Variants in SNTG1 observed in about 807,000 individuals in gnomAD.
SNTG1 encodes syntrophin gamma 1, also known as gamma-1-syntrophin.
A neutral mutation model predicts 74.7 loss-of-function variants in SNTG1; 39 were observed. The ratio of observed to expected loss-of-function variants is 0.52; its 90% CI spans 0.40 to 0.68. The LOEUF is 0.68. Among genes scored for constraint, SNTG1 ranks in the 30% least tolerant of loss-of-function variants. SNTG1 has a pLI of 0.00. For missense variants in SNTG1, 685 were observed against 609.5 expected, an observed-to-expected ratio of 1.12 and a Z score of -1.30; for synonymous variants, 254 against 217.1, an observed-to-expected ratio of 1.17 and a Z score of -1.49.
At chr8:50,000,147 C>A (rs1814611006) in intron 1 of SNTG1, among the ~76,000 whole-genome samples, 1 of 152,144 alleles carries the variant, frequency 6.6e-6, no homozygotes, top group African/African-American at 2.4e-5. Flanking sequence ...CAGATGTCAT[C>A]TTTTCATACT....
intron 12 of SNTG1, among the ~76,000 whole-genome samples, chr8:50,588,860 G>GGCGA (rs2094672069): frequency 6.7e-6 from 1 of 150,272 alleles, no homozygotes; most frequent in African/African-American, 2.4e-5. Flanking sequence ...TATTGTATTC[G>GGCGA]CCACATTACA....
intron 17 of SNTG1, among the ~76,000 whole-genome samples, chr8:50,716,755 C>T (rs868016452): frequency 1.4e-5 from 2 of 144,448 alleles, no homozygotes; most frequent in South Asian, 2.2e-4. Context: ...CTTTTTGAAA[C>T]GGAGTCTCAC....
At chr8:50,429,065 A>T (rs1427795662) in intron 4 of SNTG1, among the ~76,000 whole-genome samples, 4,227 of 152,182 alleles carry the variant, frequency 0.028, 187 homozygotes, top group African/African-American at 0.095. Flanking sequence ...TATTATCATA[A>T]TAATCCCAAA....
At chr8:50,672,151 A>C (rs567417541) in intron 15 of SNTG1, among the ~76,000 whole-genome samples, 5 of 151,742 alleles carry the variant, frequency 3.3e-5, no homozygotes, top group Admixed American at 6.6e-5. Context: ...ATATGTAACT[A>C]ACCTGCACAT....
chr8:50,658,082 T>C (rs1328121963), intron 14 of SNTG1, among the ~76,000 whole-genome samples: 1 of 152,168 alleles, frequency 6.6e-6, no homozygotes, highest in African/African-American at 2.4e-5. Flanking sequence ...CTGAATAATT[T>C]ATTTGACAAG....
chr8:50,569,524 A>G (rs982902740), intron 12 of SNTG1, among the ~76,000 whole-genome samples: 2 of 150,848 alleles, frequency 1.3e-5, no homozygotes, highest in African/African-American at 2.5e-5. Context: ...AAAAAAAATC[A>G]AAAAACAAAA....
At chr8:50,072,615 G>T (rs1305535456) in intron 1 of SNTG1, among the ~76,000 whole-genome samples, 2 of 152,122 alleles carry the variant, frequency 1.3e-5, no homozygotes, top group Admixed American at 6.5e-5. Flanking sequence ...AATTCAGTGA[G>T]AAACATCATA....
intron 2 of SNTG1, among the ~76,000 whole-genome samples, chr8:50,389,406 C>T (rs567247288): frequency 6.6e-6 from 1 of 152,266 alleles, no homozygotes; most frequent in East Asian, 1.9e-4. Flanking sequence ...TGTTCAGTTT[C>T]TACTAAAAAT....
intron 2 of SNTG1, among the ~76,000 whole-genome samples, chr8:50,296,520 A>T (rs1466901068): frequency 6.6e-6 from 1 of 152,150 alleles, no homozygotes; most frequent in African/African-American, 2.4e-5. Context: ...GAAACTGAAA[A>T]CTAAACACCT....
intron 17 of SNTG1, among the ~76,000 whole-genome samples, chr8:50,716,147 A>G (rs774482448): frequency 1.1e-4 from 17 of 152,182 alleles, no homozygotes; most frequent in Non-Finnish European, 2.2e-4. Context: ...TAAAGCATTT[A>G]TATGATCATA....
At chr8:50,692,357 A>C (rs754808101) in intron 15 of SNTG1, among the ~76,000 whole-genome samples, 1 of 150,752 alleles carries the variant, frequency 6.6e-6, no homozygotes, top group Non-Finnish European at 1.5e-5. Context: ...TTTCTGCTCT[A>C]TTTTTTTTCC....
chr8:50,542,279 C>T (rs2094354036), intron 11 of SNTG1, among the ~76,000 whole-genome samples: 1 of 151,282 alleles, frequency 6.6e-6, no homozygotes. Flanking sequence ...CTTCAGTCTC[C>T]CGAGTAGCTG....
chr8:49,949,320 T>TA (rs1049710388), intron 1 of SNTG1, among the ~76,000 whole-genome samples: 1 of 152,174 alleles, frequency 6.6e-6, no homozygotes, highest in Non-Finnish European at 1.5e-5. Context: ...TATTTTATTT[T>TA]AAAAAAATAA....
At chr8:50,723,664 C>T (rs1050816053) in intron 17 of SNTG1, among the ~76,000 whole-genome samples, 1 of 152,078 alleles carries the variant, frequency 6.6e-6, no homozygotes, top group Non-Finnish European at 1.5e-5. Context: ...TATTGCACGT[C>T]CCCTGCATGC....
intron 2 of SNTG1, among the ~76,000 whole-genome samples, chr8:50,175,594 C>T (rs530894477): frequency 2.2e-4 from 34 of 152,296 alleles, no homozygotes; most frequent in Non-Finnish European, 4.1e-4. Flanking sequence ...AGGGGCTGCT[C>T]TGCATGCTTT....
intron 2 of SNTG1, among the ~76,000 whole-genome samples, chr8:50,290,584 T>C (rs1183852804): frequency 6.6e-6 from 1 of 152,192 alleles, no homozygotes; most frequent in Admixed American, 6.5e-5. Context: ...TGTAATATCC[T>C]TGATTCCTAA....
intron 1 of SNTG1, among the ~76,000 whole-genome samples, chr8:49,927,688 G>C (rs1807151485): frequency 6.6e-6 from 1 of 152,012 alleles, no homozygotes; most frequent in Non-Finnish European, 1.5e-5. Flanking sequence ...GGGGGAGGGA[G>C]GGATAAGTAG....
chr8:49,937,668 T>G (rs982453425), intron 1 of SNTG1, among the ~76,000 whole-genome samples: 1 of 152,108 alleles, frequency 6.6e-6, no homozygotes, highest in Admixed American at 6.5e-5. Flanking sequence ...GTGGAAACCA[T>G]AGTGAACAAA....
intron 8 of SNTG1, among the ~76,000 whole-genome samples, chr8:50,465,537 AG>A (rs1414849804): frequency 6.6e-6 from 1 of 152,202 alleles, no homozygotes; most frequent in Non-Finnish European, 1.5e-5. Context: ...TCATGTATGT[AG>A]CCACTGTTAC....
Sources: gnomAD v4.1 joint callset for allele counts (sites outside exome capture counted in the v4.1 genomes callset) on GRCh38, gnomAD v4.1.1 for gene constraint, MANE v1.5 for transcripts, NCBI Gene and HGNC (gene_info 2026-07-23, HGNC 2026-07-21) for gene names.